The following TSNARE1 variants were observed in gnomAD, a reference collection of about 807,000 sequenced individuals.
TSNARE1 encodes the protein t-SNARE domain-containing protein 1.
Under a neutral mutation model 62.0 loss-of-function variants are expected in TSNARE1, and 49 were observed. That is an observed-to-expected ratio of 0.79 (90% CI 0.63 to 1.00). The LOEUF is 1.00. Ranked by LOEUF, TSNARE1 falls within the 50% of genes least tolerant of loss-of-function variation. The pLI is 0.00. For missense variants in TSNARE1, 755 were observed against 700.1 expected (o/e 1.08, Z -0.88); for synonymous variants, 328 against 294.4 (o/e 1.11, Z -1.17).
chr8:142,379,499 C>T (rs146979235), intron 1 of TSNARE1, among the ~76,000 whole-genome samples: 1 of 152,270 alleles, frequency 6.6e-6, no homozygotes, highest in African/African-American at 2.4e-5. Flanking sequence ...GCCAACACCA[C>T]TCCTGCCAGG....
chr8:142,355,060 C>T (rs960598195), intron 1 of TSNARE1, among the ~76,000 whole-genome samples: 4 of 152,208 alleles, frequency 2.6e-5, no homozygotes, highest in African/African-American at 4.8e-5. Flanking sequence ...GCCCTCTGGC[C>T]GGCTCTTAAA....
At chr8:142,246,027 C>T (rs1437758855) in intron 12 of TSNARE1, among the ~76,000 whole-genome samples, 4 of 152,174 alleles carry the variant, frequency 2.6e-5, no homozygotes, top group East Asian at 1.9e-4. Context: ...ATGCTAATTC[C>T]GCAATTCCAA....
chr8:142,270,244 G>A (rs551799829), intron 12 of TSNARE1: 1 of 985,376 alleles, frequency 1.0e-6, no homozygotes, highest in South Asian at 4.7e-5. Flanking sequence ...AGTCAAAGGA[G>A]GTAATGGAGG....
chr8:142,301,984 C>T (rs531103474), intron 9 of TSNARE1, among the ~76,000 whole-genome samples: 10 of 152,306 alleles, frequency 6.6e-5, no homozygotes, highest in East Asian at 3.9e-4. Flanking sequence ...TGGCTGACAA[C>T]GAACAGTGCC....
chr8:142,284,589 T>G lies in TSNARE1; in HGVS notation c.1291-104A>C, dbSNP rs549806947. ...ACCTGGGGCGGGCCCAGGTGGCACC[T>G]GCAGAATCAGGAACCAGAGAACAGC... On this transcript the variant is annotated intron_variant, in intron 10 of 13. Coordinates refer to ENST00000524325, the MANE Select transcript of TSNARE1 (RefSeq NM_145003.5). The G allele has an allele frequency of 1.9e-5, 17 of 883,376 alleles. No individual in the cohort carries two copies. The African/African-American group carries it at 2.8e-4, about 14-fold the overall frequency. The allele number at this position is 883,376 out of a possible 1,614,324, so 54.7% of individuals were successfully genotyped here.
chr8:142,365,331 T>C (rs962000624), intron 1 of TSNARE1, among the ~76,000 whole-genome samples: 12 of 152,130 alleles, frequency 7.9e-5, no homozygotes, highest in Non-Finnish European at 1.8e-4. Flanking sequence ...AAAAGGAGGC[T>C]AAAGAGACAA....
rs1817216747 is a variant in TSNARE1 at position 142,233,317 on chromosome 8, A to C, written c.1447-3738T>G. 3.9e-5 allele frequency among the ~76,000 whole-genome samples: 6 copies of C among 152,122 alleles called. No homozygotes were observed. The South Asian group carries it at 1.0e-3, about 26-fold the overall frequency. On this transcript the variant is annotated intron_variant, in intron 12 of 13. Transcript: ENST00000524325. The stretch of plus-strand genomic sequence containing the variant: ...TACAGATGGGAGGGCCTAGGACCCA[A>C]GCGGGGTTTTTGGACGGGTGATGGT...
At chr8:142,232,018 G>T (rs1360913946) in intron 12 of TSNARE1, among the ~76,000 whole-genome samples, 3 of 152,252 alleles carry the variant, frequency 2.0e-5, no homozygotes, top group African/African-American at 7.2e-5. Context: ...GGAGCAAAGG[G>T]CATGGAAAAG....
At chr8:142,283,062 G>A (rs191764848) in intron 11 of TSNARE1, among the ~76,000 whole-genome samples, 1,692 of 93,066 alleles carry the variant, frequency 0.018, 76 homozygotes, top group African/African-American at 0.067. Flanking sequence ...GTGTCTGTCA[G>A]TGAGCGGAGG....
chr8:142,295,923 G>A (rs890211144), intron 10 of TSNARE1, among the ~76,000 whole-genome samples: 8 of 149,098 alleles, frequency 5.4e-5, no homozygotes, highest in African/African-American at 7.5e-5. Context: ...CCTGGGTGCC[G>A]GCAGTGAGGG....
At chr8:142,245,171 C>T (rs1324598464) in intron 12 of TSNARE1, among the ~76,000 whole-genome samples, 1 of 152,174 alleles carries the variant, frequency 6.6e-6, no homozygotes, top group African/African-American at 2.4e-5. Context: ...AGGAGTCTGA[C>T]AATATCGAAT....
intron 11 of TSNARE1, chr8:142,278,215 G>A (rs1326748279): frequency 1.0e-6 from 1 of 985,320 alleles, no homozygotes; most frequent in African/African-American, 1.7e-5. Flanking sequence ...CCACAGGGTT[G>A]GCTGGGTCTA....
chr8:142,233,866 G>C (rs1371226071), intron 12 of TSNARE1, among the ~76,000 whole-genome samples: 1 of 152,132 alleles, frequency 6.6e-6, no homozygotes, highest in Non-Finnish European at 1.5e-5. Context: ...CAGAGCCTTG[G>C]CTTCCGCCTG....
chr8:142,338,793 T>G (rs755898992), intron 4 of TSNARE1, among the ~76,000 whole-genome samples: 3 of 152,174 alleles, frequency 2.0e-5, no homozygotes, highest in Non-Finnish European at 4.4e-5. Flanking sequence ...TCACATGCAA[T>G]GCTAACCCCG....
intron 13 of TSNARE1, among the ~76,000 whole-genome samples, chr8:142,223,459 T>TTCAC (rs71313211): frequency 0.84 from 36,989 of 44,100 alleles, 15,922 homozygotes; most frequent in Non-Finnish European, 0.86. Context: ...CATTCGCTCA[T>TTCAC]TCACTCATTC....
At position 142,291,763 on chromosome 8, in the gene TSNARE1, G is replaced by A. The variant is rs958302470; in HGVS notation, c.1291-7278C>T. 6.6e-6 allele frequency among the ~76,000 whole-genome samples: 1 copy of A among 152,134 alleles called. No individual in the cohort carries two copies. Among genetic ancestry groups the A allele is most frequent in the Non-Finnish European group, 1.5e-5 (1 of 68,018 alleles). ...GGTTAGAGGACACCCCTGGAGTCAG[G>A]GCCTGCCAGTGAAAGGGAGCCAGCG... On this transcript the variant is annotated intron_variant, in intron 10 of 13. Coordinates refer to ENST00000524325, the MANE Select transcript of TSNARE1 (RefSeq NM_145003.5). The surrounding 1 kb of genome is among the most constrained non-coding windows in gnomAD (Gnocchi z 4.8).
chr8:142,261,073 A>G (rs1360493988), intron 12 of TSNARE1, among the ~76,000 whole-genome samples: 2 of 3,382 alleles, frequency 5.9e-4, no homozygotes, highest in African/African-American at 1.3e-3. Context: ...AGGAGGGAGG[A>G]GAGAGGAAAG....
At chr8:142,262,240 T>C (rs1818932223) in intron 12 of TSNARE1, among the ~76,000 whole-genome samples, 1 of 152,184 alleles carries the variant, frequency 6.6e-6, no homozygotes, top group South Asian at 2.1e-4. Flanking sequence ...TGAAAAACAC[T>C]ATCAGAATTT....
chr8:142,357,437 A>G (rs1410409948), intron 1 of TSNARE1, among the ~76,000 whole-genome samples: 2 of 152,200 alleles, frequency 1.3e-5, no homozygotes, highest in African/African-American at 4.8e-5. Context: ...CAGGCCTGAC[A>G]CAAGACTTGT....
Sources: allele counts gnomAD v4.1 joint callset (sites outside exome capture counted in the v4.1 genomes callset), GRCh38; gene constraint gnomAD v4.1.1; non-coding constraint Gnocchi (gnomAD v3.1); transcripts MANE v1.5; gene names NCBI Gene and HGNC (gene_info 2026-07-23, HGNC 2026-07-21).